Variants in CDH23 observed in about 807,000 individuals in gnomAD.
The protein encoded by CDH23 is cadherin related 23.
In CDH23, 189 loss-of-function variants were observed where a neutral mutation model predicts 317.1. That is an observed-to-expected ratio of 0.60 (90% CI 0.53 to 0.67). CDH23 has a LOEUF of 0.67. Among genes scored for constraint, CDH23 ranks in the 30% least tolerant of loss-of-function variants. The pLI, the probability that CDH23 is intolerant of heterozygous loss-of-function variation, is 0.00. For missense variants in CDH23, 4,401 were observed against 4,592.4 expected (o/e 0.96, Z 1.20); for synonymous variants, 1,839 against 1,876.8 (o/e 0.98, Z 0.52).
rs60284124 is a variant in CDH23, at chr10:71,541,286, G to A, written c.430-25456G>A. On this transcript the variant is annotated intron_variant, in intron 6 of 69. Transcript: ENST00000224721. The stretch of plus-strand genomic sequence containing the variant: ...TGTCATTTTCACGCAGCAATTACCC[G>A]CTCTGATTCCTCTCCTCCTGGCCCC... 3.7e-3 allele frequency among the ~76,000 whole-genome samples: 567 copies of A among 152,274 alleles called. 4 individuals carry two copies. The highest frequency in any genetic ancestry group is 0.011 in the African/African-American group (471 of 41,542).
chr10:71,427,198 A>G (rs1490680347), intron 1 of CDH23, among the ~76,000 whole-genome samples: 1 of 72,624 alleles, frequency 1.4e-5, no homozygotes, highest in African/African-American at 5.9e-5. Context: ...AAGGAAAGAG[A>G]AAGAAAGAAA....
Position 71,777,411 on chromosome 10 carries a change from G to C in CDH23, c.4846-269G>C, listed in dbSNP as rs572242505. ...GTTTGCATCTGGCCTCAGCAGTTCT[G>C]TGATTGATTAGTGATGTCTGCTGGG... On this transcript the variant is annotated intron_variant, in intron 38 of 69. Transcript: ENST00000224721. Among the ~76,000 whole-genome samples the C allele has an allele frequency of 4.7e-5, 6 of 127,692 alleles. No individual in the cohort carries two copies. In the East Asian group the frequency reaches 1.3e-3, roughly 28 times the overall value. 83.8% of individuals were successfully genotyped at this position (127,692 alleles called of 152,430 possible). A position where few individuals can be genotyped will look rare whatever the true frequency, so the allele number is the denominator to read the frequency against.
chr10:71,514,773 T>C (rs188194694), intron 6 of CDH23, among the ~76,000 whole-genome samples: 1 of 152,302 alleles, frequency 6.6e-6, no homozygotes, highest in Non-Finnish European at 1.5e-5. Context: ...AAAAGGGAAA[T>C]CCTGCTAGAA....
rs754994774 is a variant in CDH23 at position 71,677,469 on chromosome 10, A to G, written c.1528A>G (p.Lys510Glu). 6.2e-7 allele frequency: 1 copy of G among 1,607,894 alleles called. No individual in the cohort carries two copies. Among genetic ancestry groups the G allele is most frequent in the South Asian group, 1.1e-5 (1 of 89,614 alleles). The change falls in exon 16 of 70, where the codon AAG (lysine) becomes GAG (glutamate). Residue 510 changes from lysine to glutamate, a missense_variant. Physicochemically the swap from Lys to Glu is moderately conservative, Grantham distance 56. This residue lies in a region of CDH23 where 3,068 missense variants were observed against 3,203.3 expected (regional missense o/e 0.96). Transcript: ENST00000224721. Reference protein sequence around the residue: ...SDDPDRFSLDKDTGLIMLIAR... With the variant: ...SDDPDRFSLDEDTGLIMLIAR... ...GGCCTGGCACAGGTTCTCGCTGGACAAGGACACGGGACTCATCATGCTGAT... is the reference window on the plus strand; with the variant it reads ...GGCCTGGCACAGGTTCTCGCTGGACGAGGACACGGGACTCATCATGCTGAT...
At chr10:71,521,820 G>C (rs142381726) in intron 6 of CDH23, among the ~76,000 whole-genome samples, 7 of 152,166 alleles carry the variant, frequency 4.6e-5, no homozygotes, top group Non-Finnish European at 1.0e-4. Flanking sequence ...CCACCCATCC[G>C]AGCTTCTAAA....
In CDH23 at chr10:71,600,129, A is replaced by G. The variant is rs564288756; in HGVS notation, c.833-15375A>G. 2.0e-5 allele frequency among the ~76,000 whole-genome samples: 3 copies of G among 150,428 alleles called. No homozygotes were observed. The South Asian group carries it at 6.3e-4, about 32-fold the overall frequency. ...GCAAATCTCCTGCCTCAGCCTCCCG[A>G]GCAGCTAAAATTACAGATGTGTGCT... On this transcript the variant is annotated intron_variant, in intron 9 of 69. Transcript: ENST00000224721.
chr10:71,504,224 C>A (rs181979694), intron 3 of CDH23, among the ~76,000 whole-genome samples: 176 of 152,226 alleles, frequency 1.2e-3, no homozygotes, highest in African/African-American at 4.0e-3. Flanking sequence ...CCCTTCCCGA[C>A]CCCTGGCACT....
At position 71,785,783 on chromosome 10, in the gene CDH23, C is replaced by T. The variant is rs201487791; in HGVS notation, c.5820+45C>T. The T allele has an allele frequency of 1.9e-4, 232 of 1,202,354 alleles. 2 individuals are homozygous for T. Among genetic ancestry groups the T allele is most frequent in the Middle Eastern group, 1.5e-3 (8 of 5,364 alleles). The allele number at this position is 1,202,354 out of a possible 1,614,324, so 74.5% of individuals were successfully genotyped here. A position where few individuals can be genotyped will look rare whatever the true frequency, so the allele number is the denominator to read the frequency against. On this transcript the variant is annotated intron_variant, in intron 44 of 69. Coordinates refer to ENST00000224721, the MANE Select transcript of CDH23 (RefSeq NM_022124.6). ...GTGGGAGTGGGCTGGGAGCTAGAGG[C>T]GCATGGAGAGAGAACACATCACCCC... is the stretch of plus-strand genomic sequence containing the variant.
At chr10:71,456,816 G>A (rs1214204847) in intron 3 of CDH23, among the ~76,000 whole-genome samples, 1 of 152,226 alleles carries the variant, frequency 6.6e-6, no homozygotes, top group Non-Finnish European at 1.5e-5. Flanking sequence ...TGCAGTTGAG[G>A]AGCAGAGGCT....
At chr10:71,485,803 G>A (rs2132126925) in intron 3 of CDH23, among the ~76,000 whole-genome samples, 1 of 152,310 alleles carries the variant, frequency 6.6e-6, no homozygotes, top group East Asian at 1.9e-4. Flanking sequence ...GTGTCATCCT[G>A]CCCTCAGGGT....
At position 71,725,533 on chromosome 10, in the gene CDH23, G is replaced by A. The variant is rs374933461; in HGVS notation, c.3579+13G>A. The A allele has an allele frequency of 3.7e-6, 6 of 1,609,776 alleles. No individual in the cohort carries two copies. Among genetic ancestry groups the A allele is most frequent in the Non-Finnish European group, 5.1e-6 (6 of 1,177,844 alleles). On this transcript the variant is annotated intron_variant, in intron 30 of 69. Transcript: ENST00000224721. ...GAGCTCCGTCAGGGTGAGGCTAGGG[G>A]CGGGCTGGGGTGCTGACCTCAGGAC...
In CDH23 at chr10:71,741,869, G is replaced by A. The variant is rs1268713495; in HGVS notation, c.4793G>A (p.Ser1598Asn). 5 of 1,610,456 alleles carry A rather than the reference G, an allele frequency of 3.1e-6. No individual in the cohort carries two copies. Among genetic ancestry groups the A allele is most frequent in the Non-Finnish European group, 4.2e-6 (5 of 1,178,698 alleles). ...GCCCCGCCTGACCGCGAGCGCCAGAGCTTCTACCACCTGGTGGCCACTGTG... is the reference window on the plus strand; with the variant it reads ...GCCCCGCCTGACCGCGAGCGCCAGAACTTCTACCACCTGGTGGCCACTGTG... ...RPAPPDRERQ[S>N]FYHLVATVED... Residue 1598 changes from serine to asparagine, a missense_variant, in exon 38 of 70, where the codon AGC (serine) becomes AAC (asparagine). This residue lies in a region of CDH23 where 3,068 missense variants were observed against 3,203.3 expected (regional missense o/e 0.96). Transcript: ENST00000224721.
chr10:71,407,233 C>G (rs1196018619), intron 1 of CDH23, among the ~76,000 whole-genome samples: 2 of 152,212 alleles, frequency 1.3e-5, no homozygotes, highest in African/African-American at 4.8e-5. Context: ...GGACAAAAGT[C>G]CCACCTGGGA....
intron 6 of CDH23, among the ~76,000 whole-genome samples, chr10:71,538,267 T>C (rs1482528178): frequency 6.6e-6 from 1 of 152,168 alleles, no homozygotes; most frequent in Non-Finnish European, 1.5e-5. Context: ...CCAGCATGTG[T>C]TAATAACTCG....
intron 18 of CDH23, among the ~76,000 whole-genome samples, chr10:71,685,636 CA>C (rs1379934568): frequency 2.0e-5 from 3 of 152,214 alleles, no homozygotes; most frequent in African/African-American, 7.2e-5. Context: ...CAAATTCCCT[CA>C]AAGCCATCCC....
In CDH23 at chr10:71,690,534, T is replaced by C; in HGVS notation, c.2126T>C (p.Ile709Thr). 3 of 1,611,172 alleles carry C rather than the reference T, an allele frequency of 1.9e-6. No homozygotes were observed. The highest frequency in any genetic ancestry group is 1.7e-6 in the Non-Finnish European group (2 of 1,178,854). ...TCCCGGGAGTACGGCCAGGAGTCCA[T>C]CATCTACTCCTTGGAAGGCTCCACC... ...DRSREYGQES[I>T]IYSLEGSTQF... is the part of the protein sequence containing the mutation. Residue 709 changes from isoleucine to threonine, a missense_variant, in exon 20 of 70, where the codon ATC becomes ACC. Physicochemically the swap from Ile to Thr is moderately conservative, Grantham distance 89. Around this residue, in one of 3 missense-constraint regions of CDH23, gnomAD observed 3,068 missense variants for 3,203.3 expected, o/e 0.96. Transcript: ENST00000224721.
chr10:71,671,785 G>A (rs547800190), intron 14 of CDH23, among the ~76,000 whole-genome samples: 54 of 152,210 alleles, frequency 3.5e-4, no homozygotes, highest in Non-Finnish European at 6.9e-4. Flanking sequence ...GAGATCTTGA[G>A]CAAGTCACTT....
rs74962799 is a variant in CDH23, at chr10:71,531,407, A to G, written c.429+20195A>G. 9.5e-4 allele frequency among the ~76,000 whole-genome samples: 145 copies of G among 152,294 alleles called. 2 individuals carry two copies. The East Asian group carries it at 0.025, about 26-fold the overall frequency. ...TGATTCTGAACCTCCATTGACACCC[A>G]CATGTCTCTAAAAATATTGTATTTT... On this transcript the variant is annotated intron_variant, in intron 6 of 69. Transcript: ENST00000224721.
At chr10:71,475,812 C>T (rs567135604) in intron 3 of CDH23, among the ~76,000 whole-genome samples, 10 of 152,226 alleles carry the variant, frequency 6.6e-5, no homozygotes, top group Non-Finnish European at 1.5e-4. Context: ...AGGGAGCAGG[C>T]CCCAGTTCCA....
Sources: allele counts gnomAD v4.1 joint callset (sites outside exome capture counted in the v4.1 genomes callset), GRCh38; gene constraint gnomAD v4.1.1; regional missense constraint gnomAD v4.1.1; transcripts MANE v1.5; gene names NCBI Gene and HGNC (gene_info 2026-07-23, HGNC 2026-07-21).